CNTN5: variants seen among roughly 807,000 people sequenced by gnomAD.
CNTN5 encodes contactin 5, also known as contactin-5.
A neutral mutation model predicts 129.1 loss-of-function variants in CNTN5; 77 were observed. The observed-to-expected ratio is 0.60, with a 90% CI of 0.50 to 0.72. CNTN5 has a LOEUF of 0.72. Ranked by LOEUF, CNTN5 falls within the 30% of genes least tolerant of loss-of-function variation. CNTN5 has a pLI of 0.00. For synonymous variants in CNTN5, 509 were observed against 465.6 expected, an observed-to-expected ratio of 1.09 and a Z score of -1.20; for missense variants, 1,478 against 1,328.8, an observed-to-expected ratio of 1.11 and a Z score of -1.75.
chr11:99,427,577 T>G (rs1943179854), intron 2 of CNTN5, among the ~76,000 whole-genome samples: 1 of 151,750 alleles, frequency 6.6e-6, no homozygotes, highest in Admixed American at 6.6e-5. Flanking sequence ...CCATCTTGGC[T>G]AACACGGTAA....
chr11:99,208,934 G>A (rs887491609), intron 1 of CNTN5, among the ~76,000 whole-genome samples: 1 of 152,008 alleles, frequency 6.6e-6, no homozygotes, highest in African/African-American at 2.4e-5. Flanking sequence ...ACTATTTATT[G>A]AGCATATGCA....
At chr11:99,523,598 A>T (rs1325171957) in intron 2 of CNTN5, among the ~76,000 whole-genome samples, 2 of 31,410 alleles carry the variant, frequency 6.4e-5, no homozygotes, top group African/African-American at 2.5e-4. Context: ...TCAAAGAAAG[A>T]TAGAATAGAA....
At chr11:99,698,530 T>C (rs1157762556) in intron 3 of CNTN5, among the ~76,000 whole-genome samples, 1 of 151,522 alleles carries the variant, frequency 6.6e-6, no homozygotes, top group Non-Finnish European at 1.5e-5. Flanking sequence ...TGCATGCTTA[T>C]GGTGACAGAG....
chr11:99,388,982 C>CTTATTTTATT (rs527528323), intron 2 of CNTN5, among the ~76,000 whole-genome samples: 11,047 of 120,312 alleles, frequency 0.092, 753 homozygotes, highest in African/African-American at 0.12. Context: ...TTCTCCAGTC[C>CTTATTTTATT]TTATTTTATT....
At position 99,427,427 on chromosome 11, in the gene CNTN5, C is replaced by T. The variant is rs573831889; in HGVS notation, c.-71+101943C>T. Among the ~76,000 whole-genome samples the T allele has an allele frequency of 4.6e-5, 7 of 152,052 alleles. No individual in the cohort carries two copies. In the South Asian group the frequency reaches 6.2e-4, roughly 14 times the overall value. On this transcript the variant is annotated intron_variant, in intron 2 of 24. Coordinates refer to ENST00000524871, the MANE Select transcript of CNTN5 (RefSeq NM_014361.4). The stretch of plus-strand genomic sequence containing the variant: ...GGCCTTCTCAAAGGGGAGAGAAAGC[C>T]GGAAACAGCAAGACATAATAGAAGT...
intron 4 of CNTN5, among the ~76,000 whole-genome samples, chr11:99,836,753 T>C (rs937558755): frequency 7.2e-5 from 11 of 152,154 alleles, no homozygotes; most frequent in South Asian, 2.1e-4. Context: ...GTTTACAGTC[T>C]CACCAACAGT....
At chr11:100,091,049 C>T (rs566070837) in intron 13 of CNTN5, among the ~76,000 whole-genome samples, 10 of 152,244 alleles carry the variant, frequency 6.6e-5, no homozygotes, top group Admixed American at 1.3e-4. Context: ...CTCCCTTCTA[C>T]GACACATGAG....
At chr11:99,028,279 A>C (rs1480191212) in intron 1 of CNTN5, among the ~76,000 whole-genome samples, 1 of 151,798 alleles carries the variant, frequency 6.6e-6, no homozygotes, top group Non-Finnish European at 1.5e-5. Context: ...ATTTAATGCA[A>C]TTTCAACATT....
intron 1 of CNTN5, among the ~76,000 whole-genome samples, chr11:99,227,168 G>A (rs1484202536): frequency 3.3e-5 from 5 of 151,954 alleles, no homozygotes; most frequent in African/African-American, 4.8e-5. Context: ...AGGCCATCCT[G>A]GGTAGCATGG....
intron 9 of CNTN5, among the ~76,000 whole-genome samples, chr11:100,022,221 CCTG>C (rs777917808): frequency 2.0e-5 from 3 of 152,218 alleles, no homozygotes; most frequent in Non-Finnish European, 4.4e-5. Flanking sequence ...TATTATTTAA[CCTG>C]CTATTACTTT....
intron 7 of CNTN5, among the ~76,000 whole-genome samples, chr11:99,929,698 C>T (rs183607686): frequency 6.6e-6 from 1 of 152,208 alleles, no homozygotes; most frequent in African/African-American, 2.4e-5. Context: ...GGGTAACTGC[C>T]CCCGTGATTA....
At chr11:100,188,774 T>G (rs1948381047) in intron 13 of CNTN5, among the ~76,000 whole-genome samples, 1 of 152,106 alleles carries the variant, frequency 6.6e-6, no homozygotes, top group African/African-American at 2.4e-5. Flanking sequence ...CAAAATGAAA[T>G]ACTCATATGT....
chr11:99,673,144 A>G (rs1953119400), intron 3 of CNTN5, among the ~76,000 whole-genome samples: 1 of 152,042 alleles, frequency 6.6e-6, no homozygotes, highest in South Asian at 2.1e-4. Context: ...AAAAGACCCA[A>G]CTCAATACCA....
chr11:99,301,676 A>T lies in CNTN5; in HGVS notation c.-209-23670A>T, dbSNP rs370009053. Among the ~76,000 whole-genome samples the T allele has an allele frequency of 9.9e-4, 150 of 151,894 alleles. 1 individual carries two copies. Among genetic ancestry groups the T allele is most frequent in the African/African-American group, 3.5e-3 (145 of 41,538 alleles). On this transcript the variant is annotated intron_variant, in intron 1 of 24. Coordinates refer to ENST00000524871, the MANE Select transcript of CNTN5 (RefSeq NM_014361.4). ...AACCCCATTTTTAATAATGTATAGA[A>T]CCTCTAGGCAGAAGAGAAACAAGAA...
intron 15 of CNTN5, among the ~76,000 whole-genome samples, chr11:100,211,879 T>C (rs17094630): frequency 0.078 from 11,907 of 152,210 alleles, 478 homozygotes; most frequent in Admixed American, 0.088. Flanking sequence ...TATGTGGATA[T>C]ATTCACCAGT....
intron 6 of CNTN5, among the ~76,000 whole-genome samples, chr11:99,849,542 G>A (rs1947807979): frequency 6.6e-6 from 1 of 152,026 alleles, no homozygotes; most frequent in South Asian, 2.1e-4. Flanking sequence ...TGAGTGTAAT[G>A]TCATAGAGAC....
intron 1 of CNTN5, among the ~76,000 whole-genome samples, chr11:99,177,235 G>C (rs934934211): frequency 1.3e-5 from 2 of 151,972 alleles, no homozygotes; most frequent in African/African-American, 4.8e-5. Flanking sequence ...TCCCTTCCTT[G>C]CTTAATTTTC....
chr11:100,309,520 C>T, intron 21 of CNTN5: 5 of 973,254 alleles, frequency 5.1e-6, no homozygotes, highest in Non-Finnish European at 6.1e-6. Flanking sequence ...AATCTTGCTT[C>T]AATTAATTAT....
intron 6 of CNTN5, among the ~76,000 whole-genome samples, chr11:99,902,207 A>G (rs1555151463): frequency 1.4e-5 from 2 of 144,148 alleles, no homozygotes; most frequent in Non-Finnish European, 3.0e-5. Context: ...GCGTGGATCT[A>G]CTCCTCTGTT....
Sources: gnomAD v4.1 joint callset for allele counts (sites outside exome capture counted in the v4.1 genomes callset) on GRCh38, gnomAD v4.1.1 for gene constraint, MANE v1.5 for transcripts, NCBI Gene and HGNC (gene_info 2026-07-23, HGNC 2026-07-21) for gene names.